RASA1: variants seen among roughly 807,000 people sequenced by gnomAD.
The protein encoded by RASA1 is ras GTPase-activating protein 1.
Under a neutral mutation model 132.2 loss-of-function variants are expected in RASA1, and 25 were observed. The observed-to-expected ratio is 0.19, with a 90% CI of 0.14 to 0.26. The LOEUF is 0.26. Ranked by LOEUF, RASA1 falls within the 10% of genes least tolerant of loss-of-function variation. The probability of loss-of-function intolerance (pLI) is 1.00; values close to 1 mark genes in which losing one functional copy is unlikely to be tolerated. For synonymous variants in RASA1, 477 were observed against 449.9 expected (o/e 1.06, Z -0.76); for missense variants, 964 against 1,299.2 (o/e 0.74, Z 3.97).
Position 87,331,236 on chromosome 5 carries a change from T to A in RASA1, c.540-112T>A, listed in dbSNP as rs763102542. ...TAACTGGTTCAGAGTAAAATGTAAA[T>A]GTTTAAGTTACATGTAGGCATTTAA... On this transcript the variant is annotated intron_variant, in intron 1 of 24. Coordinates refer to ENST00000274376, the MANE Select transcript of RASA1 (RefSeq NM_002890.3). The A allele has an allele frequency of 6.8e-6, 8 of 1,171,154 alleles. No individual in the cohort carries two copies. In the Admixed American group the frequency reaches 1.4e-4, roughly 20 times the overall value. 72.5% of individuals were successfully genotyped at this position (1,171,154 alleles called of 1,614,324 possible).
rs185959982 is a variant in RASA1 at position 87,320,524 on chromosome 5, A to G, written c.540-10824A>G. On this transcript the variant is annotated intron_variant, in intron 1 of 24. Transcript: ENST00000274376. ...CAGAAGGCAAAGGGGAAGCAAGAAC[A>G]TCTTCACATGGTGACAGGAGACAGA... Among the ~76,000 whole-genome samples the G allele has an allele frequency of 1.7e-3, 253 of 152,338 alleles. 1 individual carries two copies. Among genetic ancestry groups the G allele is most frequent in the Middle Eastern group, 6.8e-3 (2 of 294 alleles).
At chr5:87,340,204 T>C (rs1489385562) in intron 5 of RASA1, among the ~76,000 whole-genome samples, 2 of 152,164 alleles carry the variant, frequency 1.3e-5, no homozygotes, top group African/African-American at 4.8e-5. Context: ...TGATTCATCT[T>C]TATGAGCTCA....
chr5:87,374,914 T>C lies in RASA1; in HGVS notation c.2009T>C (p.Ile670Thr). ...ACAAAGAAAAGCAAAGATCCTGATA[T>C]CTGTAAGTTGATACAGAAACTTTCT... The part of the protein sequence containing the change: ...NKTKKSKDPD[I>T]LFMRCQLSRL... Residue 670 changes from isoleucine to threonine, a missense_variant and splice_region_variant, in exon 15 of 25, where the codon ATC becomes ACC. Transcript: ENST00000274376. 2 of 1,605,738 alleles carry C rather than the reference T, an allele frequency of 1.2e-6. No individual in the cohort carries two copies. Among genetic ancestry groups the C allele is most frequent in the Non-Finnish European group, 1.7e-6 (2 of 1,177,320 alleles).
At chr5:87,305,429 G>C (rs10474256) in intron 1 of RASA1, among the ~76,000 whole-genome samples, 4,387 of 152,220 alleles carry the variant, frequency 0.029, 220 homozygotes, top group African/African-American at 0.1. Flanking sequence ...GGGATAACTG[G>C]CTAGCCATAT....
intron 13 of RASA1, among the ~76,000 whole-genome samples, chr5:87,373,674 G>C (rs1164991890): frequency 6.6e-6 from 1 of 152,066 alleles, no homozygotes; most frequent in East Asian, 1.9e-4. Context: ...AGTTTCTTTA[G>C]GTTTGTATCC....
At chr5:87,269,922 C>T (rs537265511) in intron 1 of RASA1, among the ~76,000 whole-genome samples, 24 of 152,130 alleles carry the variant, frequency 1.6e-4, no homozygotes, top group African/African-American at 5.8e-4. Context: ...ATAGATTTCT[C>T]ATATAACCCT....
intron 14 of RASA1, 139 bp downstream of exon 14, chr5:87,374,459 A>ATTTTTTTTTTTTT (rs770426797): frequency 6.1e-6 from 1 of 164,174 alleles, no homozygotes; most frequent in African/African-American, 3.0e-5. Context: ...ATATATATAT[A>ATTTTTTTTTTTTT]TTTTTTTTTT....
intron 8 of RASA1, among the ~76,000 whole-genome samples, chr5:87,352,889 T>A (rs2112430944): frequency 6.6e-6 from 1 of 152,088 alleles, no homozygotes; most frequent in Admixed American, 6.6e-5. Flanking sequence ...TCTTTGAATA[T>A]GGTATTGTTG....
intron 6 of RASA1, 27 bp from the exon 7 acceptor site, chr5:87,346,645 A>C (rs755281326): frequency 9.1e-5 from 130 of 1,433,938 alleles, no homozygotes; most frequent in Non-Finnish European, 1.2e-4. Flanking sequence ...GACTTTATTT[A>C]TATATCTAAT....
chr5:87,377,273 G>A (rs1761391628), intron 17 of RASA1: 2 of 541,742 alleles, frequency 3.7e-6, no homozygotes, highest in Admixed American at 2.9e-5. Flanking sequence ...GAAGCCACAA[G>A]AAGGTGGTAT....
intron 1 of RASA1, among the ~76,000 whole-genome samples, chr5:87,282,111 T>A (rs74420670): frequency 1.0e-3 from 152 of 152,264 alleles, no homozygotes; most frequent in South Asian, 4.8e-3. Context: ...TCATCAACTA[T>A]GATTTGAAAA....
At position 87,369,887 on chromosome 5, in the gene RASA1, C is replaced by A. The variant is rs760475694; in HGVS notation, c.1685C>A (p.Pro562Gln). 1.9e-6 allele frequency: 3 copies of A among 1,606,406 alleles called. No homozygotes were observed. The South Asian group carries it at 3.3e-5, about 18-fold the overall frequency. ...HYIFYFAGET[P>Q]EQAEDWMKGL... is the part of the protein sequence containing the mutation. ...ATCTTTTACTTTGCAGGAGAAACTC[C>A]AGAACAAGCAGAGGTAAGATTACTG... The change falls in exon 12 of 25, where the codon CCA (proline) becomes CAA (glutamine). Residue 562 changes from proline to glutamine, a missense_variant. Physicochemically the swap from Pro to Gln is moderately conservative, Grantham distance 76 (BLOSUM62 -1). This residue lies in a region of RASA1 where 346 missense variants were observed against 520.1 expected (regional missense o/e 0.67). Coordinates refer to ENST00000274376, the MANE Select transcript of RASA1 (RefSeq NM_002890.3).
intron 8 of RASA1, among the ~76,000 whole-genome samples, chr5:87,350,321 AG>A (rs1759170393): frequency 6.6e-6 from 1 of 151,834 alleles, no homozygotes; most frequent in African/African-American, 2.4e-5. Flanking sequence ...TCTGAGTTCT[AG>A]ATGTCCTCAC....
intron 4 of RASA1, 122 bp downstream of exon 4, chr5:87,333,459 T>C: frequency 6.9e-7 from 1 of 1,444,724 alleles, no homozygotes; most frequent in Non-Finnish European, 9.3e-7. Flanking sequence ...GTGAAAGAGC[T>C]TTTGATATTG....
chr5:87,335,673 G>A (rs937904484), intron 4 of RASA1, among the ~76,000 whole-genome samples: 7 of 152,004 alleles, frequency 4.6e-5, no homozygotes, highest in Admixed American at 1.3e-4. Context: ...TGATCTGCCC[G>A]CCTTGGCCTC....
At chr5:87,381,679 G>C (rs1311819573) in intron 20 of RASA1, among the ~76,000 whole-genome samples, 4 of 152,142 alleles carry the variant, frequency 2.6e-5, no homozygotes, top group Non-Finnish European at 5.9e-5. Flanking sequence ...TGGTGATTGG[G>C]AGGAATAGAA....
At chr5:87,326,572 T>C (rs907792792) in intron 1 of RASA1, among the ~76,000 whole-genome samples, 1 of 152,144 alleles carries the variant, frequency 6.6e-6, no homozygotes, top group South Asian at 2.1e-4. Context: ...GAGAGGGAGA[T>C]TTACTTTTAA....
At chr5:87,325,185 T>G (rs561270971) in intron 1 of RASA1, among the ~76,000 whole-genome samples, 15 of 152,230 alleles carry the variant, frequency 9.9e-5, no homozygotes, top group African/African-American at 3.6e-4. Context: ...GAAAAGCCCC[T>G]TATAAAACCA....
intron 9 of RASA1, among the ~76,000 whole-genome samples, chr5:87,359,162 TA>T (rs976125670): frequency 1.8e-4 from 28 of 152,308 alleles, no homozygotes; most frequent in African/African-American, 6.5e-4. Context: ...TTTATTGAAT[TA>T]ATATATTAAA....
Sources: allele counts gnomAD v4.1 joint callset (sites outside exome capture counted in the v4.1 genomes callset), GRCh38; gene constraint gnomAD v4.1.1; regional missense constraint gnomAD v4.1.1; transcripts MANE v1.5; gene names NCBI Gene and HGNC (gene_info 2026-07-23, HGNC 2026-07-21).